The following ATP2B1 variants were observed in gnomAD, a reference collection of about 807,000 sequenced individuals.
ATP2B1 encodes the protein plasma membrane calcium-transporting ATPase 1.
A neutral mutation model predicts 124.2 loss-of-function variants in ATP2B1; 14 were observed. The observed-to-expected ratio is 0.11, with a 90% CI of 0.07 to 0.18. The LOEUF (loss-of-function observed/expected upper bound fraction) is 0.18, where lower values mean the gene tolerates loss of function less well. Ranked by LOEUF, ATP2B1 falls within the 10% of genes least tolerant of loss-of-function variation. The pLI, the probability that ATP2B1 is intolerant of heterozygous loss-of-function variation, is 1.00. For synonymous variants in ATP2B1, 449 were observed against 492.4 expected (o/e 0.91, Z 1.17); for missense variants, 763 against 1,466.1 (o/e 0.52, Z 7.83).
At chr12:89,661,714 T>C (rs913264419) in intron 1 of ATP2B1, among the ~76,000 whole-genome samples, 9 of 152,196 alleles carry the variant, frequency 5.9e-5, no homozygotes, top group Admixed American at 5.2e-4. Context: ...AAAAAAGAAC[T>C]CAAGAGATCT....
intron 20 of ATP2B1, chr12:89,598,883 G>T: frequency 1.7e-6 from 2 of 1,147,478 alleles, no homozygotes; most frequent in East Asian, 2.4e-5. Flanking sequence ...ATTTTGAGAT[G>T]AAGTGGGGGA....
chr12:89,676,627 A>G (rs1435326668), intron 1 of ATP2B1, among the ~76,000 whole-genome samples: 1 of 152,060 alleles, frequency 6.6e-6, no homozygotes, highest in Non-Finnish European at 1.5e-5. Flanking sequence ...ATGTTTATGT[A>G]GGTAATATCT....
chr12:89,589,123 T>C lies in ATP2B1; in HGVS notation c.*1861A>G, dbSNP rs1212677009. ...CAAATGCTGACAGAGCCAATGTGTTTCTAAGACCTGCAGAGGATTACTGCA... is the reference window on the plus strand; with the variant it reads ...CAAATGCTGACAGAGCCAATGTGTTCCTAAGACCTGCAGAGGATTACTGCA... On this transcript the variant is annotated 3_prime_UTR_variant, in exon 21 of 21. Coordinates refer to ENST00000428670, the MANE Select transcript of ATP2B1 (RefSeq NM_001366521.1). 6.6e-6 allele frequency: 1 copy of C among 152,614 alleles called. No homozygotes were observed. The highest frequency in any genetic ancestry group is 1.5e-5 in the Non-Finnish European group (1 of 68,020). The allele number at this position is 152,614 out of a possible 1,614,324, so 9.5% of individuals were successfully genotyped here. A position where few individuals can be genotyped will look rare whatever the true frequency, so the allele number is the denominator to read the frequency against.
chr12:89,651,609 C>A (rs1196763605), intron 2 of ATP2B1, among the ~76,000 whole-genome samples: 1 of 152,140 alleles, frequency 6.6e-6, no homozygotes, highest in Admixed American at 6.5e-5. Context: ...ATAAGCAGAA[C>A]CTTAAACCAA....
At chr12:89,705,645 C>A (rs1225341308) in intron 1 of ATP2B1, among the ~76,000 whole-genome samples, 1 of 152,110 alleles carries the variant, frequency 6.6e-6, no homozygotes, top group Admixed American at 6.5e-5. Flanking sequence ...AAATCTTACT[C>A]TGAAATCAAG....
At chr12:89,692,232 G>T (rs1043794696) in intron 1 of ATP2B1, among the ~76,000 whole-genome samples, 28 of 152,082 alleles carry the variant, frequency 1.8e-4, no homozygotes, top group African/African-American at 6.0e-4. Context: ...TGGCCAAAAT[G>T]ATTTAGTTGA....
chr12:89,682,355 T>C lies in ATP2B1; in HGVS notation c.-222+26241A>G, dbSNP rs139882586. Among the ~76,000 whole-genome samples, 21 of 152,304 alleles carry C rather than the reference T, an allele frequency of 1.4e-4. 1 individual carries two copies. In the East Asian group the frequency reaches 4.0e-3, roughly 29 times the overall value. Reference sequence around the variant, plus strand: ...TCCTGAAACTAAACAAGCTGGTGTTTAGTTTAGTTTTCGTTTAGGGGAAAC... The same window carrying C: ...TCCTGAAACTAAACAAGCTGGTGTTCAGTTTAGTTTTCGTTTAGGGGAAAC... On this transcript the variant is annotated intron_variant, in intron 1 of 20. Transcript: ENST00000428670.
intron 3 of ATP2B1, among the ~76,000 whole-genome samples, chr12:89,641,258 G>GGA (rs1269790564): frequency 6.6e-6 from 1 of 152,060 alleles, no homozygotes; most frequent in Non-Finnish European, 1.5e-5. Context: ...GGGAAAGATA[G>GGA]GAGAAAAAAA....
Position 89,621,781 on chromosome 12 carries a change from T to C in ATP2B1, c.1355A>G (p.Lys452Arg), listed in dbSNP as rs1291389721. The C allele has an allele frequency of 6.5e-7, 1 of 1,544,802 alleles. No individual in the cohort carries two copies. Among genetic ancestry groups the C allele is most frequent in the Non-Finnish European group, 8.7e-7 (1 of 1,153,152 alleles). ...SLAYSVKKMMKDNNLVRHLDA... is the reference protein window; with the variant it reads ...SLAYSVKKMMRDNNLVRHLDA... ...CAGATGCCTTACTAAGTTATTATCT[T>C]TCATCATTTTCTACAGTGACCAAAA... The change falls in exon 10 of 21, where the codon AAA (lysine) becomes AGA (arginine). Residue 452 changes from lysine to arginine, a missense_variant. By Grantham distance (26) the Lys-to-Arg change is conservative. Coordinates refer to ENST00000428670, the MANE Select transcript of ATP2B1 (RefSeq NM_001366521.1).
At chr12:89,624,824 T>A (rs1880567138) in intron 8 of ATP2B1, among the ~76,000 whole-genome samples, 1 of 152,150 alleles carries the variant, frequency 6.6e-6, no homozygotes, top group South Asian at 2.1e-4. Context: ...ACCCATGTTT[T>A]AAAAAAATAA....
At position 89,621,691 on chromosome 12, in the gene ATP2B1, A is replaced by C; in HGVS notation, c.1445T>G (p.Met482Arg). 1 of 1,611,990 alleles carries C rather than the reference A, an allele frequency of 6.2e-7. No homozygotes were observed. Among genetic ancestry groups the C allele is most frequent in the Non-Finnish European group, 8.5e-7 (1 of 1,178,876 alleles). Reference protein sequence around the residue: ...ICSDKTGTLTMNRMTVVQAYI... With the variant: ...ICSDKTGTLTRNRMTVVQAYI... ...AGCTTGAACGACTGTCATTCTGTTC[A>C]TTGTCAAAGTTCCTGTTTTATCTGA... Residue 482 changes from methionine (M) to arginine (R), a missense_variant, in exon 10 of 21, where the codon ATG becomes AGG. By Grantham distance (91) the Met-to-Arg change is moderately conservative. Coordinates refer to ENST00000428670, the MANE Select transcript of ATP2B1 (RefSeq NM_001366521.1).
intron 11 of ATP2B1, among the ~76,000 whole-genome samples, chr12:89,619,355 T>C (rs1383700955): frequency 1.3e-5 from 2 of 152,150 alleles, no homozygotes; most frequent in Non-Finnish European, 2.9e-5. Context: ...CTCACGTCTG[T>C]AATCCCAGCA....
Position 89,631,843 on chromosome 12 carries a change from A to C in ATP2B1, c.788-1198T>G, listed in dbSNP as rs1444844435. 2.7e-5 allele frequency among the ~76,000 whole-genome samples: 4 copies of C among 150,470 alleles called. No homozygotes were observed. The East Asian group carries it at 7.8e-4, about 29-fold the overall frequency. ...TTTTTTTTTTTTGTAGAGACAGAGT[A>C]TGTGTTGCCCAGGCTGGTCTCCATA... On this transcript the variant is annotated intron_variant, in intron 5 of 20. Coordinates refer to ENST00000428670, the MANE Select transcript of ATP2B1 (RefSeq NM_001366521.1).
At chr12:89,670,449 T>C (rs1232915146) in intron 1 of ATP2B1, among the ~76,000 whole-genome samples, 1 of 152,006 alleles carries the variant, frequency 6.6e-6, no homozygotes. Flanking sequence ...TCAACTTTTA[T>C]TTTAGATTCA....
intron 1 of ATP2B1, among the ~76,000 whole-genome samples, chr12:89,701,104 T>C (rs191792149): frequency 6.6e-6 from 1 of 152,330 alleles, no homozygotes; most frequent in Non-Finnish European, 1.5e-5. Context: ...TCCATTGCTA[T>C]ACTCTAATAC....
intron 5 of ATP2B1, among the ~76,000 whole-genome samples, chr12:89,631,008 G>A (rs575389577): frequency 6.6e-6 from 1 of 152,036 alleles, no homozygotes; most frequent in Admixed American, 6.6e-5. Context: ...CTGGGCTCAA[G>A]CAATCCTCCT....
intron 12 of ATP2B1, among the ~76,000 whole-genome samples, chr12:89,612,972 C>T (rs1460027029): frequency 2.6e-5 from 4 of 151,946 alleles, no homozygotes; most frequent in Admixed American, 6.6e-5. Flanking sequence ...AAGGGGTGCA[C>T]ATTCCAGACA....
intron 1 of ATP2B1, among the ~76,000 whole-genome samples, chr12:89,657,029 C>G (rs966948701): frequency 6.6e-6 from 1 of 152,130 alleles, no homozygotes; most frequent in African/African-American, 2.4e-5. Flanking sequence ...TCCTATTATA[C>G]TAATCTGCCT....
chr12:89,658,645 GAGATAGAGAT>G (rs1253669149), intron 1 of ATP2B1, among the ~76,000 whole-genome samples: 41 of 138,078 alleles, frequency 3.0e-4, no homozygotes, highest in African/African-American at 1.0e-3. Flanking sequence ...GAGAGAGAGA[GAGATAGAGAT>G]AGCATGTGGC....
Sources: allele counts gnomAD v4.1 joint callset (sites outside exome capture counted in the v4.1 genomes callset), GRCh38; gene constraint gnomAD v4.1.1; transcripts MANE v1.5; gene names NCBI Gene and HGNC (gene_info 2026-07-23, HGNC 2026-07-21).